Variants in USH2A observed in about 807,000 individuals in gnomAD.
The protein encoded by USH2A is Usher syndrome 2A (autosomal recessive, mild).
A neutral mutation model predicts 538.9 loss-of-function variants in USH2A; 443 were observed. The ratio of observed to expected loss-of-function variants is 0.82; its 90% CI spans 0.76 to 0.89. The LOEUF (loss-of-function observed/expected upper bound fraction) is 0.89. Among genes scored for constraint, USH2A ranks in the 40% least tolerant of loss-of-function variants. The pLI, the probability that USH2A is intolerant of heterozygous loss-of-function variation, is 0.00. For synonymous variants in USH2A, 2,413 were observed against 2,273.5 expected (o/e 1.06, Z -1.75); for missense variants, 6,633 against 6,324.8 (o/e 1.05, Z -1.65).
chr1:215,886,458 T>A (rs1308842500), intron 41 of USH2A: 1 of 152,240 alleles, frequency 6.6e-6, no homozygotes, highest in Non-Finnish European at 1.5e-5. Context: ...TAGCATTAAA[T>A]ACTAGACTCA....
intron 3 of USH2A, among the ~76,000 whole-genome samples, chr1:216,398,078 AC>A (rs1346108984): frequency 6.6e-6 from 1 of 152,180 alleles, no homozygotes; most frequent in Non-Finnish European, 1.5e-5. Flanking sequence ...CTTACCTCCC[AC>A]AATTTTAGCC....
chr1:215,813,775 G>A lies in USH2A; in HGVS notation c.9700C>T (p.His3234Tyr). ...GGRIQEAQPN[H>Y]QCCSGYYARI... ...GCGTAATACCCAGAGCAGCACTGAT[G>A]ATTTGGTTGTGCCTCCTGTATTCGG... The change falls in exon 49 of 72, where the codon CAT becomes TAT. Residue 3234 changes from histidine to tyrosine, a missense_variant. Transcript: ENST00000307340. 6.2e-7 allele frequency: 1 copy of A among 1,613,910 alleles called. No individual in the cohort carries two copies. Among genetic ancestry groups the A allele is most frequent in the Non-Finnish European group, 8.5e-7 (1 of 1,179,866 alleles).
In USH2A at chr1:215,625,833, T is replaced by A; in HGVS notation, c.15557A>T (p.Asp5186Val). The A allele has an allele frequency of 1.2e-6, 2 of 1,614,092 alleles. No individual in the cohort carries two copies. Among genetic ancestry groups the A allele is most frequent in the South Asian group, 2.2e-5 (2 of 91,082 alleles). ...GCGTTCCTTAGTCACTGAGCTGAAA[T>A]CCTTGATGGCGTTCATCAGGTCCTC... ...DEEDLMNAIK[D>V]FSSVTKERTT... The change falls in exon 72 of 72, where the codon GAT (aspartate) becomes GTT (valine). Residue 5186 changes from aspartate to valine, a missense_variant. Coordinates refer to ENST00000307340, the MANE Select transcript of USH2A (RefSeq NM_206933.4).
At chr1:215,801,429 A>C (rs1357784105) in intron 49 of USH2A, among the ~76,000 whole-genome samples, 1 of 151,876 alleles carries the variant, frequency 6.6e-6, no homozygotes, top group African/African-American at 2.4e-5. Context: ...ACTAATAAAC[A>C]ATTCAGCACA....
intron 41 of USH2A, among the ~76,000 whole-genome samples, chr1:215,885,318 A>T (rs1255430855): frequency 6.6e-6 from 1 of 152,078 alleles, no homozygotes; most frequent in African/African-American, 2.4e-5. Context: ...TTACATTTTT[A>T]AAATGAAATC....
chr1:215,836,915 C>T (rs1357989340), intron 47 of USH2A, among the ~76,000 whole-genome samples: 2 of 151,638 alleles, frequency 1.3e-5, no homozygotes, highest in African/African-American at 2.4e-5. Flanking sequence ...GTCTCTAACG[C>T]CCATTTAATA....
intron 32 of USH2A, among the ~76,000 whole-genome samples, chr1:216,043,135 CA>C: frequency 6.6e-6 from 1 of 152,106 alleles, no homozygotes; most frequent in East Asian, 1.9e-4. Flanking sequence ...AAAATATGAG[CA>C]ACAAGCAGAA....
chr1:216,353,321 A>G (rs1558050901), intron 4 of USH2A, among the ~76,000 whole-genome samples: 1 of 152,142 alleles, frequency 6.6e-6, no homozygotes, highest in East Asian at 1.9e-4. Flanking sequence ...CATGTGCTAT[A>G]CAAACTGAAC....
At chr1:216,344,264 A>G (rs1309941552) in intron 4 of USH2A, among the ~76,000 whole-genome samples, 1 of 152,136 alleles carries the variant, frequency 6.6e-6, no homozygotes. Context: ...TTAGTAACAG[A>G]AAGAGTCTCC....
At chr1:216,279,251 T>A (rs2036726730) in intron 11 of USH2A, among the ~76,000 whole-genome samples, 1 of 152,146 alleles carries the variant, frequency 6.6e-6, no homozygotes, top group Non-Finnish European at 1.5e-5. Flanking sequence ...TATTTCCTTT[T>A]AAAAATGGCT....
chr1:215,979,195 T>A (rs1667692497), intron 35 of USH2A, among the ~76,000 whole-genome samples: 1 of 152,134 alleles, frequency 6.6e-6, no homozygotes, highest in Non-Finnish European at 1.5e-5. Context: ...TGAGACTTAT[T>A]CACTATCAGG....
intron 44 of USH2A, among the ~76,000 whole-genome samples, chr1:215,854,848 G>A (rs560913391): frequency 7.2e-5 from 11 of 152,294 alleles, no homozygotes; most frequent in African/African-American, 2.4e-4. Flanking sequence ...ACATGTGCTC[G>A]ACAAAGAAAA....
At chr1:215,625,962 A>AAT in intron 71 of USH2A, 92 bp from the exon 72 acceptor site, 1 of 1,296,974 alleles carries the variant, frequency 7.7e-7, no homozygotes, top group South Asian at 1.2e-5. Flanking sequence ...TGTAAAAAGT[A>AAT]ATAAGTATTA....
Position 215,653,967 on chromosome 1 carries a change from A to C in USH2A, c.14134-3166T>G, listed in dbSNP as rs761903474. 1.9e-4 allele frequency among the ~76,000 whole-genome samples: 29 copies of C among 152,200 alleles called. No homozygotes were observed. The highest frequency in any genetic ancestry group is 3.8e-4 in the Non-Finnish European group (26 of 68,046). On this transcript the variant is annotated intron_variant, in intron 64 of 71. Coordinates refer to ENST00000307340, the MANE Select transcript of USH2A (RefSeq NM_206933.4). ...ACCCATATAAAAATCAATAAATAAAATATCTTGTGAACAAACAGTTGTGTA... is the reference window on the plus strand; with the variant it reads ...ACCCATATAAAAATCAATAAATAAACTATCTTGTGAACAAACAGTTGTGTA...
At chr1:215,804,056 G>A (rs1428381677) in intron 49 of USH2A, among the ~76,000 whole-genome samples, 3 of 152,104 alleles carry the variant, frequency 2.0e-5, no homozygotes, top group Admixed American at 2.0e-4. Context: ...TTTAATAAAT[G>A]GTGCTGGGAA....
intron 38 of USH2A, among the ~76,000 whole-genome samples, chr1:215,912,609 C>T (rs1176257623): frequency 6.6e-6 from 1 of 150,796 alleles, no homozygotes; most frequent in African/African-American, 2.4e-5. Flanking sequence ...GGTATCCATC[C>T]CCGCAAGCAT....
chr1:216,415,420 G>A (rs1402260621), intron 3 of USH2A, among the ~76,000 whole-genome samples: 1 of 151,458 alleles, frequency 6.6e-6, no homozygotes, highest in Non-Finnish European at 1.5e-5. Flanking sequence ...ACTATCATAT[G>A]GATTCCTATA....
rs1177455978 is a variant in USH2A at position 215,993,116 on chromosome 1, C to A, written c.6709G>T (p.Asp2237Tyr). The A allele has an allele frequency of 6.8e-6, 11 of 1,614,032 alleles. No homozygotes were observed. Among genetic ancestry groups the A allele is most frequent in the Non-Finnish European group, 9.3e-6 (11 of 1,179,966 alleles). ...GGCACGCCTTCGGGTATGTCCTCGT[C>A]AGTTAGGGCCTCACTGGCCTCACTC... ...TVSEASEALT[D>Y]EDIPEGVPAP... Residue 2237 changes from aspartate (D) to tyrosine (Y), a missense_variant, in exon 35 of 72, where the codon GAC (aspartate) becomes TAC (tyrosine). Physicochemically the swap from Asp to Tyr is radical, Grantham distance 160 (BLOSUM62 -3). Coordinates refer to ENST00000307340, the MANE Select transcript of USH2A (RefSeq NM_206933.4).
At chr1:215,655,121 A>ACTC (rs1657200246) in intron 64 of USH2A, among the ~76,000 whole-genome samples, 1 of 152,208 alleles carries the variant, frequency 6.6e-6, no homozygotes. Flanking sequence ...AAGACCTTGG[A>ACTC]CTCTGCCCTT....
Sources: gnomAD v4.1 joint callset for allele counts (sites outside exome capture counted in the v4.1 genomes callset) on GRCh38, gnomAD v4.1.1 for gene constraint, MANE v1.5 for transcripts, NCBI Gene and HGNC (gene_info 2026-07-23, HGNC 2026-07-21) for gene names.